Variants in TRAPPC9 observed in about 807,000 individuals in gnomAD.
TRAPPC9 encodes trafficking protein particle complex subunit 9.
A neutral mutation model predicts 124.0 loss-of-function variants in TRAPPC9; 83 were observed. That is an observed-to-expected ratio of 0.67 (90% CI 0.56 to 0.80). The LOEUF (loss-of-function observed/expected upper bound fraction) is 0.80. TRAPPC9 is among the 30% of genes least tolerant of loss of function. The pLI is 0.00. For synonymous variants in TRAPPC9, 638 were observed against 617.5 expected, an observed-to-expected ratio of 1.03 and a Z score of -0.49; for missense variants, 1,302 against 1,508.3, an observed-to-expected ratio of 0.86 and a Z score of 2.27.
At chr8:140,015,900 A>G (rs11166943) in intron 18 of TRAPPC9, among the ~76,000 whole-genome samples, 85,808 of 151,652 alleles carry the variant, frequency 0.57, 24,290 homozygotes, top group Middle Eastern at 0.7. Flanking sequence ...TCATTCCTAC[A>G]CCTTCCCCGG....
chr8:140,267,841 A>AT (rs1012170523), intron 15 of TRAPPC9, among the ~76,000 whole-genome samples: 4 of 151,918 alleles, frequency 2.6e-5, no homozygotes, highest in African/African-American at 9.7e-5. Flanking sequence ...CAATTTTTGT[A>AT]TTTTTTAGTA....
chr8:139,731,375 G>GTCACT (rs1563768356), intron 22 of TRAPPC9, 147 bp from the exon 23 acceptor site: 3 of 868,754 alleles, frequency 3.5e-6, no homozygotes. Flanking sequence ...CCTCCAGCAG[G>GTCACT]TCACTGCGCC....
chr8:140,311,444 T>C, intron 9 of TRAPPC9, 70 bp from the exon 10 acceptor site: 1 of 1,584,050 alleles, frequency 6.3e-7, no homozygotes, highest in Non-Finnish European at 8.6e-7. Flanking sequence ...TTCATTTTAC[T>C]TGGGGCATTT....
At chr8:140,200,742 T>C (rs1190251187) in intron 17 of TRAPPC9, among the ~76,000 whole-genome samples, 2 of 152,088 alleles carry the variant, frequency 1.3e-5, no homozygotes, top group Non-Finnish European at 2.9e-5. Flanking sequence ...TCATCGAGCG[T>C]CCTGAATGGG....
intron 9 of TRAPPC9, among the ~76,000 whole-genome samples, chr8:140,338,338 C>T (rs539841855): frequency 1.2e-4 from 18 of 152,280 alleles, no homozygotes; most frequent in African/African-American, 4.1e-4. Context: ...ATTACCACTT[C>T]CAAAAGAGCA....
chr8:140,229,458 G>T (rs1451800685), intron 16 of TRAPPC9, among the ~76,000 whole-genome samples: 1 of 151,636 alleles, frequency 6.6e-6, no homozygotes, highest in Non-Finnish European at 1.5e-5. Context: ...TAGAGATGGG[G>T]TTTCTCCATC....
intron 21 of TRAPPC9, chr8:139,881,387 T>C (rs181124761): frequency 6.6e-5 from 10 of 152,378 alleles, no homozygotes; most frequent in Admixed American, 3.9e-4. Context: ...TGACTGCCAA[T>C]TGGTTTGCTC....
At chr8:139,877,530 T>C (rs1829399992) in intron 21 of TRAPPC9, among the ~76,000 whole-genome samples, 1 of 152,132 alleles carries the variant, frequency 6.6e-6, no homozygotes, top group Non-Finnish European at 1.5e-5. Context: ...AGCATGGCCC[T>C]GCTCCTGGCC....
At chr8:140,445,535 G>A (rs2071215849) in intron 2 of TRAPPC9, among the ~76,000 whole-genome samples, 1 of 152,208 alleles carries the variant, frequency 6.6e-6, no homozygotes, top group Admixed American at 6.5e-5. Context: ...AGCAGGGGAG[G>A]AGGGAGCCCG....
In TRAPPC9 at chr8:140,087,204, C is replaced by T. The variant is rs1001610672; in HGVS notation, c.2557-63125G>A. On this transcript the variant is annotated intron_variant, in intron 17 of 22. Coordinates refer to ENST00000438773, the MANE Select transcript of TRAPPC9 (RefSeq NM_001160372.4). This position sits in a 1 kb window ranked among gnomAD's most constrained non-coding sequence, Gnocchi z 4.6. ...CCCATGTTTCCAGCTTTTGAGCTGCCTGCTTTTCTTCCCAGTCCCTGGCTC... is the reference window on the plus strand; with the variant it reads ...CCCATGTTTCCAGCTTTTGAGCTGCTTGCTTTTCTTCCCAGTCCCTGGCTC... Among the ~76,000 whole-genome samples, 1 of 152,180 alleles carries T rather than the reference C, an allele frequency of 6.6e-6. No individual in the cohort carries two copies.
At chr8:139,813,050 G>A (rs1824550986) in intron 21 of TRAPPC9, among the ~76,000 whole-genome samples, 1 of 152,184 alleles carries the variant, frequency 6.6e-6, no homozygotes, top group South Asian at 2.1e-4. Context: ...TGTCTTCTCA[G>A]CTCTCCTGAG....
chr8:140,244,928 T>C (rs1208796826), intron 16 of TRAPPC9, among the ~76,000 whole-genome samples: 1 of 145,924 alleles, frequency 6.9e-6, no homozygotes, highest in East Asian at 2.2e-4. Context: ...TGCCTCAGCC[T>C]CCCGAGTACC....
intron 5 of TRAPPC9, among the ~76,000 whole-genome samples, chr8:140,425,131 A>T (rs1471339038): frequency 1.3e-5 from 2 of 152,232 alleles, no homozygotes; most frequent in East Asian, 1.9e-4. Flanking sequence ...CGCTTGAAAG[A>T]CAGATATGAT....
chr8:140,183,974 AGGG>A (rs2062288488), intron 17 of TRAPPC9, among the ~76,000 whole-genome samples: 1 of 30,596 alleles, frequency 3.3e-5, no homozygotes. Flanking sequence ...AGGAGGGAGG[AGGG>A]AGGAGGGAGG....
chr8:139,915,138 G>A (rs926436581), intron 19 of TRAPPC9, among the ~76,000 whole-genome samples: 2 of 149,654 alleles, frequency 1.3e-5, no homozygotes, highest in Admixed American at 6.6e-5. Context: ...CCTTTTGGGC[G>A]GGCTCCTGGA....
intron 19 of TRAPPC9, 88 bp from the exon 20 acceptor site, chr8:139,910,388 A>G (rs1373625067): frequency 3.1e-6 from 4 of 1,272,476 alleles, no homozygotes; most frequent in Non-Finnish European, 4.6e-6. Context: ...CCAGCGTGAG[A>G]CACTATAATG....
intron 17 of TRAPPC9, among the ~76,000 whole-genome samples, chr8:140,033,672 T>TTTTTTGC (rs1563706790): frequency 3.2e-5 from 3 of 94,210 alleles, no homozygotes; most frequent in Non-Finnish European, 6.2e-5. Flanking sequence ...TTTTTTTTTT[T>TTTTTTGC]TTTTTTTTTT....
chr8:140,179,907 A>G (rs2062157802), intron 17 of TRAPPC9, among the ~76,000 whole-genome samples: 1 of 151,814 alleles, frequency 6.6e-6, no homozygotes, highest in African/African-American at 2.4e-5. Flanking sequence ...GTGTTTGCAA[A>G]ATATATCTTC....
At chr8:140,148,761 G>A (rs973874822) in intron 17 of TRAPPC9, among the ~76,000 whole-genome samples, 9 of 152,066 alleles carry the variant, frequency 5.9e-5, no homozygotes, top group Non-Finnish European at 1.0e-4. Context: ...TAAAACAGAA[G>A]GCATAAAAAA....
Sources: allele counts gnomAD v4.1 joint callset (sites outside exome capture counted in the v4.1 genomes callset), GRCh38; gene constraint gnomAD v4.1.1; non-coding constraint Gnocchi (gnomAD v3.1); transcripts MANE v1.5; gene names NCBI Gene and HGNC (gene_info 2026-07-23, HGNC 2026-07-21).